CERKL: variants seen among roughly 807,000 people sequenced by gnomAD.
CERKL encodes the protein CERK like autophagy regulator.
A neutral mutation model predicts 63.4 loss-of-function variants in CERKL; 61 were observed. The observed-to-expected ratio is 0.96, with a 90% CI of 0.78 to 1.19. CERKL has a LOEUF of 1.19. Ranked by LOEUF, CERKL falls within the 50% of genes most tolerant of loss-of-function variation. CERKL has a pLI of 0.00. For synonymous variants in CERKL, 250 were observed against 230.5 expected (o/e 1.08, Z -0.77); for missense variants, 675 against 655.5 (o/e 1.03, Z -0.33).
chr2:181,628,224 C>A (rs1574514389), intron 1 of CERKL, among the ~76,000 whole-genome samples: 1 of 152,120 alleles, frequency 6.6e-6, no homozygotes. Context: ...GTAAGGACAA[C>A]CTTGTAGCTA....
At chr2:181,640,508 C>A (rs1014674322) in intron 1 of CERKL, among the ~76,000 whole-genome samples, 2 of 152,156 alleles carry the variant, frequency 1.3e-5, no homozygotes, top group African/African-American at 4.8e-5. Context: ...AATCAAGTGG[C>A]AGGCTAGGTG....
At chr2:181,649,249 G>A (rs939852141) in intron 1 of CERKL, among the ~76,000 whole-genome samples, 22 of 152,176 alleles carry the variant, frequency 1.4e-4, no homozygotes, top group African/African-American at 5.1e-4. Context: ...GTGAGCAGGA[G>A]TAGCAATACT....
intron 3 of CERKL, among the ~76,000 whole-genome samples, chr2:181,570,676 G>A (rs1489106749): frequency 1.3e-5 from 2 of 152,144 alleles, no homozygotes; most frequent in Non-Finnish European, 2.9e-5. Context: ...TCTATATTCA[G>A]AAGTAGTTAG....
intron 1 of CERKL, among the ~76,000 whole-genome samples, chr2:181,631,657 T>C (rs1038456171): frequency 6.6e-6 from 1 of 152,130 alleles, no homozygotes; most frequent in Non-Finnish European, 1.5e-5. Context: ...GAAGGTCCCA[T>C]ATGGAGGAAA....
Position 181,558,502 on chromosome 2 carries a change from T to C in CERKL, c.820+64A>G. On this transcript the variant is annotated intron_variant, in intron 5 of 12. Transcript: ENST00000410087. This position sits in a 1 kb window ranked among gnomAD's most constrained non-coding sequence, Gnocchi z 4.2. The stretch of plus-strand genomic sequence containing the variant: ...TAATTCTGTGTTGTGCTGTCTAGAT[T>C]AGCAAGTAAGAAAGGAAAAGAGGGA... 1 of 1,543,236 alleles carries C rather than the reference T, an allele frequency of 6.5e-7. No homozygotes were observed. The highest frequency in any genetic ancestry group is 1.1e-5 in the South Asian group (1 of 89,518).
intron 2 of CERKL, among the ~76,000 whole-genome samples, chr2:181,578,236 A>ATGTG (rs202143973): frequency 3.5e-5 from 5 of 143,520 alleles, no homozygotes; most frequent in African/African-American, 7.9e-5. Context: ...ACACACATAT[A>ATGTG]TGTGTGTATA....
At chr2:181,581,361 C>T (rs990533989) in intron 2 of CERKL, among the ~76,000 whole-genome samples, 31 of 152,196 alleles carry the variant, frequency 2.0e-4, no homozygotes, top group Non-Finnish European at 1.0e-4. Context: ...TCTACCTCCA[C>T]TTCTTGATTC....
chr2:181,582,301 T>C (rs1296459497), intron 2 of CERKL, among the ~76,000 whole-genome samples: 5 of 152,282 alleles, frequency 3.3e-5, no homozygotes, highest in African/African-American at 1.2e-4. Context: ...AGGTTCCTTT[T>C]ATTTCCTTCA....
chr2:181,573,920 C>A, intron 2 of CERKL, 36 bp from the exon 3 acceptor site: 1 of 1,601,240 alleles, frequency 6.2e-7, no homozygotes, highest in South Asian at 1.1e-5. Flanking sequence ...TTGTAAAGTC[C>A]TTGTCATCAT....
intron 5 of CERKL, among the ~76,000 whole-genome samples, chr2:181,552,480 G>A (rs1453777396): frequency 2.0e-5 from 3 of 152,118 alleles, no homozygotes; most frequent in Non-Finnish European, 4.4e-5. Flanking sequence ...AATGTGCCTT[G>A]CTTCTCCTTT....
At chr2:181,543,534 C>T (rs2105794921) in intron 11 of CERKL, among the ~76,000 whole-genome samples, 1 of 152,116 alleles carries the variant, frequency 6.6e-6, no homozygotes, top group South Asian at 2.1e-4. Context: ...TGAAGATGGC[C>T]TAAGAAAGTT....
chr2:181,650,161 GGAAA>G (rs1373034425), intron 1 of CERKL: 10 of 135,738 alleles, frequency 7.4e-5, no homozygotes, highest in Non-Finnish European at 1.1e-4. Flanking sequence ...AAGGAAGGAA[GGAAA>G]GAAGGAAGGA....
intron 1 of CERKL, 145 bp from the exon 2 acceptor site, chr2:181,604,224 G>A: frequency 1.6e-6 from 1 of 630,610 alleles, no homozygotes; most frequent in Non-Finnish European, 2.7e-6. Flanking sequence ...TAATACCTGG[G>A]TGATGAAATA....
chr2:181,644,140 C>T (rs1214263157), intron 1 of CERKL, among the ~76,000 whole-genome samples: 2 of 152,212 alleles, frequency 1.3e-5, no homozygotes, highest in African/African-American at 4.8e-5. Context: ...CTGTCCATGT[C>T]CCCTTTCTGA....
At chr2:181,625,294 G>T (rs1686637406) in intron 1 of CERKL, among the ~76,000 whole-genome samples, 1 of 151,692 alleles carries the variant, frequency 6.6e-6, no homozygotes, top group Admixed American at 6.6e-5. Context: ...CTGGCCACAG[G>T]AGATTCAAGA....
intron 8 of CERKL, chr2:181,548,175 AT>A (rs1687817622): frequency 5.7e-6 from 3 of 526,298 alleles, no homozygotes; most frequent in East Asian, 3.3e-5. Context: ...TGTTTTGTTC[AT>A]TTTTTGGTGC....
At chr2:181,636,449 T>C (rs1687182879) in intron 1 of CERKL, among the ~76,000 whole-genome samples, 1 of 150,778 alleles carries the variant, frequency 6.6e-6, no homozygotes, top group South Asian at 2.1e-4. Context: ...TTATAATCTA[T>C]CCTGCTACCT....
At chr2:181,631,769 G>C (rs150837421) in intron 1 of CERKL, among the ~76,000 whole-genome samples, 2 of 152,272 alleles carry the variant, frequency 1.3e-5, no homozygotes, top group African/African-American at 2.4e-5. Context: ...AAGGGCTCTC[G>C]AGTATGGAAA....
At chr2:181,544,868 T>C in intron 10 of CERKL, 72 bp from the exon 11 acceptor site, 1 of 849,726 alleles carries the variant, frequency 1.2e-6, no homozygotes, top group Non-Finnish European at 1.9e-6. Context: ...TGACATACTG[T>C]TCCTTATAAC....
Sources: gnomAD v4.1 joint callset for allele counts (sites outside exome capture counted in the v4.1 genomes callset) on GRCh38, gnomAD v4.1.1 for gene constraint, Gnocchi (gnomAD v3.1) non-coding constraint, MANE v1.5 for transcripts, NCBI Gene and HGNC (gene_info 2026-07-23, HGNC 2026-07-21) for gene names.